PLEKHA8: variants seen among roughly 807,000 people sequenced by gnomAD.
PLEKHA8 encodes pleckstrin homology domain containing A8.
PLEKHA8 carries 36 observed loss-of-function variants against 68.2 expected under a neutral mutation model. That is an observed-to-expected ratio of 0.53 (90% CI 0.40 to 0.70). The LOEUF is 0.70. Among genes scored for constraint, PLEKHA8 ranks in the 30% least tolerant of loss-of-function variants. The pLI is 0.00. For missense variants in PLEKHA8, 505 were observed against 615.4 expected (o/e 0.82, Z 1.90); for synonymous variants, 211 against 216.1 (o/e 0.98, Z 0.20).
Position 30,033,376 on chromosome 7 carries a change from A to G in PLEKHA8, c.40+4574A>G, listed in dbSNP as rs374137611. 8.1e-4 allele frequency among the ~76,000 whole-genome samples: 124 copies of G among 152,344 alleles called. 1 individual carries two copies. The South Asian group carries it at 0.024, about 29-fold the overall frequency. On this transcript the variant is annotated intron_variant, in intron 1 of 13. Transcript: ENST00000449726. Reference sequence around the variant, plus strand: ...GATTTGCCTCTTCTAGGCAGTTTATATAAATGGAATTATATAATATGTGGT... The same window carrying G: ...GATTTGCCTCTTCTAGGCAGTTTATGTAAATGGAATTATATAATATGTGGT...
rs113250454 is a variant in PLEKHA8, at chr7:30,128,881, T to C, written c.1363-385T>C. Among the ~76,000 whole-genome samples, 830 of 151,718 alleles carry C rather than the reference T, an allele frequency of 5.5e-3. 12 individuals are homozygous for C. Among genetic ancestry groups the C allele is most frequent in the African/African-American group, 0.019 (792 of 41,334 alleles). ...TCACATGGCAAGAGAGGAAGGAAGG[T>C]AGGGGAGGGGGCAGGCTCTTTTTAA... On this transcript the variant is annotated intron_variant, in intron 13 of 13. Coordinates refer to the PLEKHA8 transcript ENST00000396257.
At chr7:30,090,516 G>T in exon 13 of PLEKHA8, 1 of 219,062 alleles carries the variant, frequency 4.6e-6, no homozygotes, top group South Asian at 1.1e-4. Flanking sequence ...AAAAGCTGGT[G>T]GTGAACCAAG....
chr7:30,080,368 A>G lies in PLEKHA8; in HGVS notation c.*1581A>G. The G allele has an allele frequency of 1.0e-6, 1 of 985,308 alleles. No homozygotes were observed. The highest frequency in any genetic ancestry group is 1.2e-6 in the Non-Finnish European group (1 of 829,902). The allele number at this position is 985,308 out of a possible 1,614,324, so 61.0% of individuals were successfully genotyped here. A position where few individuals can be genotyped will look rare whatever the true frequency, so the allele number is the denominator to read the frequency against. ...AGGCTACTTCCTTCTAGTAACAGGA[A>G]GGGAAGTTCCAGCATGAGGTAGTTA... On this transcript the variant is annotated 3_prime_UTR_variant, in exon 14 of 14. Transcript: ENST00000449726.
At chr7:30,041,516 C>T (rs1337687565) in intron 1 of PLEKHA8, among the ~76,000 whole-genome samples, 4 of 149,666 alleles carry the variant, frequency 2.7e-5, no homozygotes, top group Non-Finnish European at 5.9e-5. Flanking sequence ...AACTCCTAGG[C>T]TCAAGCAGTC....
At chr7:30,052,682 C>A in intron 6 of PLEKHA8, 27 bp from the exon 7 acceptor site, 1 of 1,419,636 alleles carries the variant, frequency 7.0e-7, no homozygotes, top group Non-Finnish European at 9.3e-7. Flanking sequence ...GACCTTCTGG[C>A]TTTTTTTCCT....
chr7:30,033,288 T>C (rs1790801722), intron 1 of PLEKHA8, among the ~76,000 whole-genome samples: 1 of 152,212 alleles, frequency 6.6e-6, no homozygotes, highest in African/African-American at 2.4e-5. Context: ...CAGTACCCAT[T>C]AGCAGTCACT....
intron 13 of PLEKHA8, among the ~76,000 whole-genome samples, chr7:30,103,687 A>G (rs1795953662): frequency 1.3e-5 from 2 of 152,234 alleles, no homozygotes; most frequent in Non-Finnish European, 2.9e-5. Flanking sequence ...ACTTCAACAA[A>G]TAGTGCTAGA....
downstream of PLEKHA8, among the ~76,000 whole-genome samples, chr7:30,095,360 T>C (rs1370400417): frequency 6.6e-6 from 1 of 152,272 alleles, no homozygotes; most frequent in African/African-American, 2.4e-5. Context: ...TCACCCACTT[T>C]TTAATGGGGT....
chr7:30,094,248 A>G (rs967243488), downstream of PLEKHA8, among the ~76,000 whole-genome samples: 2 of 151,334 alleles, frequency 1.3e-5, no homozygotes, highest in Non-Finnish European at 2.9e-5. Context: ...GCTAAATATT[A>G]GGGATTGGTA....
intron 1 of PLEKHA8, among the ~76,000 whole-genome samples, chr7:30,034,104 G>A (rs1226473054): frequency 8.3e-6 from 1 of 121,176 alleles, no homozygotes; most frequent in Admixed American, 1.1e-4. Flanking sequence ...CGCCTCCCGA[G>A]TTCAAGCAAT....
At chr7:30,060,829 A>C (rs1010984589) in intron 9 of PLEKHA8, 55 bp from the exon 10 acceptor site, 2 of 1,404,178 alleles carry the variant, frequency 1.4e-6, no homozygotes, top group African/African-American at 2.9e-5. Flanking sequence ...TATTATAAAA[A>C]ATATTGCCAC....
intron 13 of PLEKHA8, among the ~76,000 whole-genome samples, chr7:30,098,633 G>C (rs7805014): frequency 6.6e-6 from 1 of 152,248 alleles, no homozygotes; most frequent in African/African-American, 2.4e-5. Flanking sequence ...CTCCAAGCCA[G>C]GTGCGGGATA....
chr7:30,054,903 C>G, intron 8 of PLEKHA8, 38 bp downstream of exon 8: 1 of 1,536,268 alleles, frequency 6.5e-7, no homozygotes, highest in Non-Finnish European at 8.9e-7. Flanking sequence ...TGCTTGGATA[C>G]TAACTTCCAT....
rs187673735 is a variant in PLEKHA8, at chr7:30,066,017, A to T, written c.1300+3275A>T. On this transcript the variant is annotated intron_variant, in intron 12 of 13. Coordinates refer to ENST00000449726, the MANE Select transcript of PLEKHA8 (RefSeq NM_001197026.2). The stretch of plus-strand genomic sequence containing the variant: ...TTCAGATGATTCTAATCCATGCTGA[A>T]GTTTGAGACCTAGTCATCTAGACTT... 2.6e-5 allele frequency among the ~76,000 whole-genome samples: 4 copies of T among 152,340 alleles called. No individual in the cohort carries two copies. In the East Asian group the frequency reaches 7.7e-4, roughly 29 times the overall value.
At chr7:30,101,175 T>TG (rs1267568983) in intron 13 of PLEKHA8, among the ~76,000 whole-genome samples, 4 of 143,480 alleles carry the variant, frequency 2.8e-5, no homozygotes, top group Non-Finnish European at 6.1e-5. Context: ...GAGTGAGACT[T>TG]GGGGGAAAAA....
chr7:30,047,061 G>C (rs1792015995), intron 3 of PLEKHA8, among the ~76,000 whole-genome samples: 2 of 152,148 alleles, frequency 1.3e-5, no homozygotes, highest in Admixed American at 1.3e-4. Context: ...GGTGAAATGG[G>C]AAAAAGTGTT....
At chr7:30,126,496 A>T (rs896402116) in intron 13 of PLEKHA8, among the ~76,000 whole-genome samples, 1 of 152,166 alleles carries the variant, frequency 6.6e-6, no homozygotes, top group Non-Finnish European at 1.5e-5. Context: ...AATATTGTTG[A>T]TTTTGTTTCA....
At position 30,079,102 on chromosome 7, in the gene PLEKHA8, A is replaced by G. The variant is rs1015900005; in HGVS notation, c.*315A>G. 3 of 1,054,868 alleles carry G rather than the reference A, an allele frequency of 2.8e-6. No homozygotes were observed. The highest frequency in any genetic ancestry group is 9.9e-5 in the Admixed American group (2 of 20,276). 65.3% of individuals were successfully genotyped at this position (1,054,868 alleles called of 1,614,324 possible). A position where few individuals can be genotyped will look rare whatever the true frequency, so the allele number is the denominator to read the frequency against. On this transcript the variant is annotated 3_prime_UTR_variant, in exon 14 of 14. Coordinates refer to ENST00000449726, the MANE Select transcript of PLEKHA8 (RefSeq NM_001197026.2). Reference sequence around the variant, plus strand: ...TTATTGTGTATTGTATTGTTTTTATATTTTAGTCTAATGGGCCACCCAAAC... The same window carrying G: ...TTATTGTGTATTGTATTGTTTTTATGTTTTAGTCTAATGGGCCACCCAAAC...
intron 13 of PLEKHA8, among the ~76,000 whole-genome samples, chr7:30,105,992 A>G (rs17546795): frequency 0.14 from 21,293 of 152,192 alleles, 1,510 homozygotes; most frequent in Middle Eastern, 0.18. Flanking sequence ...AAATATCACT[A>G]AACATTATGT....
Sources: gnomAD v4.1 joint callset for allele counts (sites outside exome capture counted in the v4.1 genomes callset) on GRCh38, gnomAD v4.1.1 for gene constraint, MANE v1.5 for transcripts, NCBI Gene and HGNC (gene_info 2026-07-23, HGNC 2026-07-21) for gene names.